The following NPAS1 variants were observed in gnomAD, a reference collection of about 807,000 sequenced individuals.
NPAS1 encodes neuronal PAS domain protein 1.
Under a neutral mutation model 49.2 loss-of-function variants are expected in NPAS1, and 29 were observed. The observed-to-expected ratio is 0.59, with a 90% CI of 0.44 to 0.80. The LOEUF is 0.80. NPAS1 is among the 30% of genes least tolerant of loss of function. NPAS1 has a pLI of 0.00. For synonymous variants in NPAS1, 408 were observed against 380.4 expected (o/e 1.07, Z -0.84); for missense variants, 825 against 835.5 (o/e 0.99, Z 0.15).
intron 5 of NPAS1, 149 bp from the exon 6 acceptor site, chr19:47,035,815 G>GT: frequency 1.3e-6 from 1 of 751,090 alleles, no homozygotes; most frequent in East Asian, 2.9e-5. Flanking sequence ...AAAGGTAATT[G>GT]TTTTTTGTTT....
chr19:47,035,908 C>T, intron 5 of NPAS1, 56 bp from the exon 6 acceptor site: 1 of 1,452,968 alleles, frequency 6.9e-7, no homozygotes, highest in Non-Finnish European at 9.1e-7. Flanking sequence ...AGAGGGCGAG[C>T]GAGTTACTGC....
intron 3 of NPAS1, among the ~76,000 whole-genome samples, chr19:47,027,664 T>G (rs71353946): frequency 0.43 from 19,847 of 45,970 alleles, 7,068 homozygotes; most frequent in Non-Finnish European, 0.53. Context: ...CTGGTCTCCC[T>G]TCTCTCTGCC....
chr19:47,039,283 G>A lies in NPAS1; in HGVS notation c.805-124G>A, dbSNP rs1460192481. On this transcript the variant is annotated intron_variant, in intron 7 of 11. Coordinates refer to ENST00000602212, the MANE Select transcript of NPAS1 (RefSeq NM_002517.4). ...GAACTGGGTCTGGGAATGGGACTGG[G>A]GGGGTCACACAGTGTCCAGTCCTCC... 13 of 1,476,484 alleles carry A rather than the reference G, an allele frequency of 8.8e-6. 1 individual carries two copies. In the South Asian group the frequency reaches 1.5e-4, roughly 17 times the overall value. The allele number at this position is 1,476,484 out of a possible 1,614,324, so 91.5% of individuals were successfully genotyped here.
intron 6 of NPAS1, among the ~76,000 whole-genome samples, chr19:47,038,643 A>G (rs2056986116): frequency 6.6e-6 from 1 of 152,128 alleles, no homozygotes; most frequent in African/African-American, 2.4e-5. Flanking sequence ...CCTGGCCAAC[A>G]TGGCAAAACC....
chr19:47,029,952 T>C (rs10405353), intron 3 of NPAS1, among the ~76,000 whole-genome samples: 79,868 of 152,144 alleles, frequency 0.52, 21,835 homozygotes, highest in Non-Finnish European at 0.62. Flanking sequence ...CAGCAATGTA[T>C]GAGGGTTCCA....
chr19:47,038,485 C>CG (rs1471661864), intron 6 of NPAS1, among the ~76,000 whole-genome samples: 1 of 146,712 alleles, frequency 6.8e-6, no homozygotes, highest in Non-Finnish European at 1.5e-5. Flanking sequence ...CCACTGCACT[C>CG]TAGCCTGGTG....
intron 3 of NPAS1, among the ~76,000 whole-genome samples, chr19:47,031,496 C>T (rs1310017386): frequency 1.3e-5 from 2 of 150,086 alleles, no homozygotes; most frequent in Non-Finnish European, 3.0e-5. Context: ...CCTCGCCCAG[C>T]CTGTTGGTTT....
chr19:47,024,201 T>G (rs181882404), intron 3 of NPAS1, among the ~76,000 whole-genome samples: 2 of 152,112 alleles, frequency 1.3e-5, no homozygotes, highest in Non-Finnish European at 2.9e-5. Context: ...GTGGGAGGAC[T>G]GCTTGAGCTG....
chr19:47,042,234 G>A (rs1053297016), intron 10 of NPAS1, among the ~76,000 whole-genome samples: 8 of 149,012 alleles, frequency 5.4e-5, no homozygotes, highest in African/African-American at 1.7e-4. Flanking sequence ...ACTTGAACCC[G>A]GGAGGTGGAG....
chr19:47,019,945 G>A lies in NPAS1; in HGVS notation c.-95G>A, dbSNP rs1382786387. On this transcript the variant is annotated 5_prime_UTR_variant, in exon 1 of 12. Transcript: ENST00000602212. The stretch of plus-strand genomic sequence containing the variant: ...CTCCGCGCCGCCCGGCCGGCCCCAC[G>A]CCGCGCCCGGAGCCTGCTCTGCGGC... The A allele has an allele frequency of 2.5e-6, 1 of 392,368 alleles. No homozygotes were observed. 24.3% of individuals were successfully genotyped at this position (392,368 alleles called of 1,614,324 possible). A position where few individuals can be genotyped will look rare whatever the true frequency, so the allele number is the denominator to read the frequency against.
At chr19:47,040,666 T>C (rs1276917277) in intron 9 of NPAS1, 116 bp downstream of exon 9, 1 of 691,970 alleles carries the variant, frequency 1.4e-6, no homozygotes, top group Non-Finnish European at 2.5e-6. Flanking sequence ...CTGCTGCACC[T>C]ACAGCTCCAG....
intron 8 of NPAS1, 83 bp downstream of exon 8, chr19:47,039,647 G>C (rs945755212): frequency 1.1e-5 from 16 of 1,430,204 alleles, no homozygotes; most frequent in Non-Finnish European, 1.5e-5. Flanking sequence ...GGGAGTGCTG[G>C]GTCTGCAGGA....
intron 3 of NPAS1, among the ~76,000 whole-genome samples, chr19:47,029,042 A>AT (rs371616085): frequency 0.23 from 32,682 of 144,162 alleles, 3,682 homozygotes; most frequent in East Asian, 0.38. Context: ...CTCCATGTCT[A>AT]TTTTTTTTTT....
At position 47,041,170 on chromosome 19, in the gene NPAS1, C is replaced by A. The variant is rs1599921186; in HGVS notation, c.1217+45C>A. ...CTCCTGCAGGGCACTCAGGGCCCTG[C>A]TGTCTCTCCCCACCTCCAGTGGGGG... On this transcript the variant is annotated intron_variant, in intron 10 of 11. Transcript: ENST00000602212. 2.7e-6 allele frequency: 4 copies of A among 1,480,236 alleles called. No individual in the cohort carries two copies. The East Asian group carries it at 7.6e-5, about 28-fold the overall frequency. The allele number at this position is 1,480,236 out of a possible 1,614,324, so 91.7% of individuals were successfully genotyped here.
chr19:47,039,321 G>A, intron 7 of NPAS1, 86 bp from the exon 8 acceptor site: 1 of 1,569,558 alleles, frequency 6.4e-7, no homozygotes, highest in Non-Finnish European at 8.7e-7. Context: ...CACCTGTGGG[G>A]GACAGAGGGA....
chr19:47,032,216 G>A (rs1365026298), intron 3 of NPAS1, 62 bp from the exon 4 acceptor site: 24 of 1,485,622 alleles, frequency 1.6e-5, no homozygotes, highest in East Asian at 1.4e-4. Context: ...ACTGGCTCCC[G>A]GGGGACCTGC....
At chr19:47,022,956 T>C (rs1368923729) in intron 3 of NPAS1, among the ~76,000 whole-genome samples, 6 of 152,120 alleles carry the variant, frequency 3.9e-5, no homozygotes, top group African/African-American at 7.2e-5. Flanking sequence ...TTATCTGAAG[T>C]CTCAGGGCAC....
In NPAS1 at chr19:47,032,524, C is replaced by A. The variant is rs567924788; in HGVS notation, c.433-119C>A. ...TTCCGAGGACCACTGAAGCCCCCTC[C>A]CCACCAAAACAGTCCACCTCAGGTG... On this transcript the variant is annotated intron_variant, in intron 4 of 11. Transcript: ENST00000602212. The A allele has an allele frequency of 7.8e-5, 88 of 1,123,030 alleles. 1 individual carries two copies. In the South Asian group the frequency reaches 1.1e-3, roughly 14 times the overall value. 69.6% of individuals were successfully genotyped at this position (1,123,030 alleles called of 1,614,324 possible).
chr19:47,030,501 A>G (rs1401002252), intron 3 of NPAS1, among the ~76,000 whole-genome samples: 2 of 149,360 alleles, frequency 1.3e-5, no homozygotes, highest in Admixed American at 1.3e-4. Context: ...TTTTAAAAAT[A>G]TATTTTTTGT....
Sources: gnomAD v4.1 joint callset for allele counts (sites outside exome capture counted in the v4.1 genomes callset) on GRCh38, gnomAD v4.1.1 for gene constraint, MANE v1.5 for transcripts, NCBI Gene and HGNC (gene_info 2026-07-23, HGNC 2026-07-21) for gene names.